NEK10: variants seen among roughly 807,000 people sequenced by gnomAD.
NEK10 encodes NIMA related kinase 10.
NEK10 carries 122 observed loss-of-function variants against 159.8 expected under a neutral mutation model. That is an observed-to-expected ratio of 0.76 (90% CI 0.66 to 0.89). The LOEUF is 0.89. Among genes scored for constraint, NEK10 ranks in the 40% least tolerant of loss-of-function variants. The pLI is 0.00. For synonymous variants in NEK10, 466 were observed against 457.1 expected (o/e 1.02, Z -0.25); for missense variants, 1,342 against 1,323.1 (o/e 1.01, Z -0.22).
chr3:27,154,133 C>T (rs547676437), intron 30 of NEK10, among the ~76,000 whole-genome samples: 2 of 152,214 alleles, frequency 1.3e-5, no homozygotes, highest in East Asian at 3.9e-4. Context: ...ACAACTGACA[C>T]TATGGAAATA....
At chr3:27,367,224 C>G (rs550550140) in intron 1 of NEK10, among the ~76,000 whole-genome samples, 1 of 151,992 alleles carries the variant, frequency 6.6e-6, no homozygotes, top group Non-Finnish European at 1.5e-5. Context: ...GCTATTATAC[C>G]CCCATTGTGC....
chr3:27,316,308 G>A (rs2045169389), intron 6 of NEK10, among the ~76,000 whole-genome samples: 1 of 152,144 alleles, frequency 6.6e-6, no homozygotes, highest in Non-Finnish European at 1.5e-5. Context: ...AGTATTTGAA[G>A]CGATATGATC....
intron 31 of NEK10, among the ~76,000 whole-genome samples, chr3:27,136,103 ATTTTTTTTTTTTT>A (rs775843715): frequency 1.6e-5 from 1 of 60,680 alleles, no homozygotes; most frequent in African/African-American, 6.2e-5. Flanking sequence ...TAGGAGATCG[ATTTTTTTTTTTTT>A]TTTTTTTTTT....
At chr3:27,269,921 T>C (rs2041199952) in intron 22 of NEK10, among the ~76,000 whole-genome samples, 1 of 152,198 alleles carries the variant, frequency 6.6e-6, no homozygotes, top group African/African-American at 2.4e-5. Flanking sequence ...CAAAATCCTA[T>C]TGTTTCTACA....
At chr3:27,252,138 G>A (rs145077083) in intron 23 of NEK10, 15 of 389,972 alleles carry the variant, frequency 3.8e-5, no homozygotes, top group African/African-American at 1.0e-4. Flanking sequence ...CAAAGGAGAC[G>A]CAAGTCCTAT....
rs372441033 is a variant in NEK10 at position 27,284,898 on chromosome 3, G to T, written c.1853C>A (p.Ser618Tyr). ...AAAATGGTGATGTTTTTCCTTCAAA[G>T]AACTGAAATGCTCTCCAAGCGGGGC... ...EGAPLGEHFSSLKEKHHHFTE... is the reference protein window; with the variant it reads ...EGAPLGEHFSYLKEKHHHFTE... The change falls in exon 21 of 36, where the codon TCT becomes TAT. Residue 618 changes from serine (S) to tyrosine (Y), a missense_variant. By Grantham distance (144) the Ser-to-Tyr change is moderately radical (BLOSUM62 -2). Transcript: ENST00000691995. The T allele has an allele frequency of 3.8e-6, 6 of 1,597,206 alleles. No homozygotes were observed. In the African/African-American group the frequency reaches 8.0e-5, roughly 21 times the overall value.
intron 35 of NEK10, among the ~76,000 whole-genome samples, chr3:27,114,558 A>G (rs1395022128): frequency 6.6e-6 from 1 of 152,212 alleles, no homozygotes; most frequent in Admixed American, 6.5e-5. Flanking sequence ...AGTAGAAGAA[A>G]AAGGAGAAGA....
intron 30 of NEK10, among the ~76,000 whole-genome samples, chr3:27,148,059 C>T (rs1395889569): frequency 6.6e-6 from 1 of 152,178 alleles, no homozygotes; most frequent in African/African-American, 2.4e-5. Context: ...AATTGACACA[C>T]TATATGAAAC....
chr3:27,359,749 A>AT (rs2048551654), intron 1 of NEK10, among the ~76,000 whole-genome samples: 1 of 152,218 alleles, frequency 6.6e-6, no homozygotes, highest in Non-Finnish European at 1.5e-5. Flanking sequence ...GTATATGGGA[A>AT]TTCTGTGCTG....
At chr3:27,279,126 G>A (rs2041969627) in intron 22 of NEK10, among the ~76,000 whole-genome samples, 1 of 152,172 alleles carries the variant, frequency 6.6e-6, no homozygotes, top group Admixed American at 6.5e-5. Flanking sequence ...ACTCCTGCCA[G>A]CATGCTTACT....
chr3:27,202,405 TTC>T (rs768416464), intron 24 of NEK10, 21 bp downstream of exon 24: 1 of 1,592,700 alleles, frequency 6.3e-7, no homozygotes, highest in Non-Finnish European at 8.6e-7. Flanking sequence ...CACGAGACCC[TTC>T]TGTCTCCCAG....
Position 27,352,363 on chromosome 3 carries a change from A to G in NEK10, c.132+102T>C, listed in dbSNP as rs934669738. Reference sequence around the variant, plus strand: ...AAGAGCAAAGATGTGAATAATGAGCAAAGAAAAGCAGACATATCATTCATA... The same window carrying G: ...AAGAGCAAAGATGTGAATAATGAGCGAAGAAAAGCAGACATATCATTCATA... On this transcript the variant is annotated intron_variant, in intron 3 of 35. Transcript: ENST00000691995. 11 of 778,492 alleles carry G rather than the reference A, an allele frequency of 1.4e-5. No individual in the cohort carries two copies. The East Asian group carries it at 2.3e-4, about 16-fold the overall frequency. 48.2% of individuals were successfully genotyped at this position (778,492 alleles called of 1,614,324 possible).
intron 23 of NEK10, among the ~76,000 whole-genome samples, chr3:27,237,738 T>C (rs897879466): frequency 6.6e-6 from 1 of 152,050 alleles, no homozygotes; most frequent in Non-Finnish European, 1.5e-5. Context: ...ATGGGTACAC[T>C]AAAGTCTCAG....
chr3:27,294,373 C>A (rs2043199872), intron 15 of NEK10, among the ~76,000 whole-genome samples: 1 of 152,082 alleles, frequency 6.6e-6, no homozygotes. Context: ...CAGAAGGGTC[C>A]CATACAAAAT....
At chr3:27,118,735 G>C (rs192039271) in intron 33 of NEK10, among the ~76,000 whole-genome samples, 2 of 152,176 alleles carry the variant, frequency 1.3e-5, no homozygotes, top group Admixed American at 6.5e-5. Context: ...CCCTGTCTTG[G>C]AAATGATTTT....
chr3:27,171,947 C>T, intron 28 of NEK10, 74 bp from the exon 29 acceptor site: 3 of 1,426,432 alleles, frequency 2.1e-6, no homozygotes, highest in Non-Finnish European at 2.9e-6. Flanking sequence ...TTTAATAAAA[C>T]AATACTGAAC....
intron 23 of NEK10, among the ~76,000 whole-genome samples, chr3:27,243,156 G>T (rs1445498799): frequency 1.3e-5 from 2 of 151,978 alleles, no homozygotes; most frequent in African/African-American, 4.8e-5. Flanking sequence ...TTCAAAGGAA[G>T]GTTTTCTTGT....
chr3:27,170,489 T>C, intron 29 of NEK10, among the ~76,000 whole-genome samples: 1 of 152,210 alleles, frequency 6.6e-6, no homozygotes, highest in Non-Finnish European at 1.5e-5. Flanking sequence ...CCCAGCACTT[T>C]GGGAGGCTAA....
intron 20 of NEK10, among the ~76,000 whole-genome samples, chr3:27,286,924 A>G (rs1428632055): frequency 6.6e-6 from 1 of 151,930 alleles, no homozygotes; most frequent in Non-Finnish European, 1.5e-5. Context: ...GGGAAGGGAG[A>G]TGGGTAAAAT....
Sources: gnomAD v4.1 joint callset for allele counts (sites outside exome capture counted in the v4.1 genomes callset) on GRCh38, gnomAD v4.1.1 for gene constraint, MANE v1.5 for transcripts, NCBI Gene and HGNC (gene_info 2026-07-23, HGNC 2026-07-21) for gene names.